PDE10A: variants seen among roughly 807,000 people sequenced by gnomAD.
PDE10A encodes cAMP and cAMP-inhibited cGMP 3',5'-cyclic phosphodiesterase 10A.
A neutral mutation model predicts 97.7 loss-of-function variants in PDE10A; 39 were observed. The ratio of observed to expected loss-of-function variants is 0.40; its 90% CI spans 0.31 to 0.52. The LOEUF (loss-of-function observed/expected upper bound fraction) is 0.52. Among genes scored for constraint, PDE10A ranks in the 20% least tolerant of loss-of-function variants. The pLI is 0.56. For missense variants in PDE10A, 731 were observed against 1,047.8 expected (o/e 0.70, Z 4.17); for synonymous variants, 371 against 376.8 (o/e 0.98, Z 0.18).
At chr6:165,618,249 C>CT (rs1562632640) in intron 1 of PDE10A, among the ~76,000 whole-genome samples, 4 of 151,480 alleles carry the variant, frequency 2.6e-5, no homozygotes, top group Admixed American at 2.6e-4. Context: ...GATTTTTTTT[C>CT]TTTTTTTACT....
chr6:165,761,655 A>T (rs1294600742), intron 1 of PDE10A, among the ~76,000 whole-genome samples: 1 of 152,182 alleles, frequency 6.6e-6, no homozygotes, highest in Non-Finnish European at 1.5e-5. Context: ...TTCTAGTTAA[A>T]CTCATAAAAT....
chr6:165,665,388 A>C (rs1790472373), upstream of PDE10A, among the ~76,000 whole-genome samples: 1 of 152,036 alleles, frequency 6.6e-6, no homozygotes, highest in African/African-American at 2.4e-5. Context: ...CTTCCCTTTG[A>C]GTTTCTTTAC....
chr6:165,405,343 A>C (rs779569045), intron 13 of PDE10A, among the ~76,000 whole-genome samples: 1 of 152,234 alleles, frequency 6.6e-6, no homozygotes, highest in Non-Finnish European at 1.5e-5. Flanking sequence ...AAATGAAGCA[A>C]ATCAAATTTT....
At chr6:165,773,815 T>A (rs1778085462) in intron 1 of PDE10A, among the ~76,000 whole-genome samples, 1 of 152,190 alleles carries the variant, frequency 6.6e-6, no homozygotes, top group African/African-American at 2.4e-5. Context: ...CTGTCAAATC[T>A]GGACATAAGA....
intron 1 of PDE10A, among the ~76,000 whole-genome samples, chr6:165,736,401 C>T (rs1005868298): frequency 6.6e-6 from 1 of 152,112 alleles, no homozygotes; most frequent in Admixed American, 6.6e-5. Flanking sequence ...AGGACAGTTT[C>T]ACATGATGTC....
chr6:165,412,298 C>T (rs553636947), intron 13 of PDE10A, among the ~76,000 whole-genome samples: 5 of 152,120 alleles, frequency 3.3e-5, no homozygotes, highest in South Asian at 2.1e-4. Context: ...TAAGATCTTG[C>T]TATTGTGTTT....
chr6:165,396,019 T>A (rs984974104), intron 14 of PDE10A, among the ~76,000 whole-genome samples: 1 of 152,158 alleles, frequency 6.6e-6, no homozygotes, highest in African/African-American at 2.4e-5. Context: ...CCATTTTGAG[T>A]GTTAAATATT....
chr6:165,568,155 C>G (rs562546745), intron 1 of PDE10A, among the ~76,000 whole-genome samples: 2 of 151,930 alleles, frequency 1.3e-5, no homozygotes, highest in Admixed American at 1.3e-4. Context: ...CCCGCCACCA[C>G]GCCTGGCTAA....
intron 1 of PDE10A, among the ~76,000 whole-genome samples, chr6:165,567,598 A>G (rs1015921236): frequency 1.1e-4 from 17 of 151,944 alleles, no homozygotes; most frequent in African/African-American, 3.9e-4. Flanking sequence ...CCCATTCCCA[A>G]TCTCTCCCCA....
intron 1 of PDE10A, among the ~76,000 whole-genome samples, chr6:165,686,820 C>T (rs894989582): frequency 2.0e-5 from 3 of 152,212 alleles, no homozygotes; most frequent in Admixed American, 2.0e-4. Flanking sequence ...CACGTGCCAG[C>T]ACCTCCGCGG....
intron 2 of PDE10A, among the ~76,000 whole-genome samples, chr6:165,536,373 G>C (rs921150345): frequency 4.0e-5 from 6 of 151,860 alleles, no homozygotes; most frequent in African/African-American, 1.2e-4. Flanking sequence ...AAAAACATTG[G>C]GGAAATGCAA....
intron 3 of PDE10A, among the ~76,000 whole-genome samples, chr6:165,481,236 T>A (rs988532895): frequency 2.6e-5 from 4 of 152,148 alleles, no homozygotes; most frequent in Non-Finnish European, 5.9e-5. Context: ...GGTCCACCCC[T>A]CTGTCACTTC....
chr6:165,525,044 C>G (rs1345058336), intron 2 of PDE10A, among the ~76,000 whole-genome samples: 1 of 152,108 alleles, frequency 6.6e-6, no homozygotes, highest in African/African-American at 2.4e-5. Context: ...CCCGAGGCAG[C>G]TGCCAGGGAA....
intron 18 of PDE10A, among the ~76,000 whole-genome samples, chr6:165,350,953 C>G (rs967904824): frequency 5.3e-5 from 8 of 152,174 alleles, no homozygotes; most frequent in African/African-American, 1.9e-4. Flanking sequence ...ATAAATTACT[C>G]AGTCTCGGCT....
Position 165,525,551 on chromosome 6 carries a change from G to A in PDE10A, c.994+17889C>T, listed in dbSNP as rs568379402. 1.1e-4 allele frequency among the ~76,000 whole-genome samples: 16 copies of A among 152,080 alleles called. 1 individual carries two copies. In the South Asian group the frequency reaches 2.9e-3, roughly 28 times the overall value. On this transcript the variant is annotated intron_variant, in intron 2 of 21. Coordinates refer to ENST00000539869, the MANE Select transcript of PDE10A (RefSeq NM_001385079.1). ...ACTCATCCCAGCCTTAGAGGGTCCCGAAGATATACCCTTGACCAATTCTTT... is the reference window on the plus strand; with the variant it reads ...ACTCATCCCAGCCTTAGAGGGTCCCAAAGATATACCCTTGACCAATTCTTT...
rs1301763312 is a variant in PDE10A, at chr6:165,958,547, AAGAAAGAAAGAAAGAAAGACAGAC to A, written c.-615+28958_-615+28981del. On this transcript the variant is annotated intron_variant, in intron 1 of 19. Transcript: ENST00000366882. ...AAAGAAAGAAAGAAAGAAAGAAAGA[AAGAAAGAAAGAAAGAAAGACAGAC>A]AGAAAGAAAGACAGAAAGAGAGAAA... 9.7e-3 allele frequency among the ~76,000 whole-genome samples: 801 copies of A among 82,738 alleles called. 61 individuals carry two copies. Among genetic ancestry groups the A allele is most frequent in the African/African-American group, 0.022 (478 of 21,732 alleles). 54.3% of individuals were successfully genotyped at this position (82,738 alleles called of 152,430 possible). A position where few individuals can be genotyped will look rare whatever the true frequency, so the allele number is the denominator to read the frequency against.
At chr6:165,437,124 G>A (rs1332784771) in intron 5 of PDE10A, among the ~76,000 whole-genome samples, 1 of 152,152 alleles carries the variant, frequency 6.6e-6, no homozygotes, top group Non-Finnish European at 1.5e-5. Flanking sequence ...AAAAACAGAA[G>A]GTGAACTCTG....
chr6:165,910,719 A>C (rs995419146), intron 1 of PDE10A: 15 of 151,574 alleles, frequency 9.9e-5, no homozygotes, highest in African/African-American at 3.4e-4. Flanking sequence ...AAAATATCCA[A>C]AGTATGTGAA....
intron 1 of PDE10A, among the ~76,000 whole-genome samples, chr6:165,806,215 T>G (rs1779135236): frequency 6.6e-6 from 1 of 152,120 alleles, no homozygotes; most frequent in Non-Finnish European, 1.5e-5. Context: ...TGTGCTCTTT[T>G]GTGTAAGGCA....
Sources: allele counts gnomAD v4.1 joint callset (sites outside exome capture counted in the v4.1 genomes callset), GRCh38; gene constraint gnomAD v4.1.1; transcripts MANE v1.5; gene names NCBI Gene and HGNC (gene_info 2026-07-23, HGNC 2026-07-21).